MRPL10: variants seen among roughly 807,000 people sequenced by gnomAD.
MRPL10 encodes the protein large ribosomal subunit protein uL10m.
Under a neutral mutation model 19.8 loss-of-function variants are expected in MRPL10, and 14 were observed. The observed-to-expected ratio is 0.71, with a 90% CI of 0.47 to 1.11. The LOEUF (loss-of-function observed/expected upper bound fraction) is 1.11, where lower values mean the gene tolerates loss of function less well. MRPL10 is among the 50% of genes least tolerant of loss of function. The probability of loss-of-function intolerance (pLI) is 0.00; values close to 1 mark genes in which losing one functional copy is unlikely to be tolerated. For synonymous variants in MRPL10, 129 were observed against 139.2 expected, an observed-to-expected ratio of 0.93 and a Z score of 0.52; for missense variants, 318 against 339.6, an observed-to-expected ratio of 0.94 and a Z score of 0.50.
rs2033473142 is a variant in MRPL10, at chr17:47,823,469, T to A, written c.*736A>T. On this transcript the variant is annotated 3_prime_UTR_variant, in exon 5 of 5. Transcript: ENST00000351111. ...CACAAAATAAAGGAAGTAGAATATATTTCATTTTATTATAAAGCAGTGCTC... is the reference window on the plus strand; with the variant it reads ...CACAAAATAAAGGAAGTAGAATATAATTCATTTTATTATAAAGCAGTGCTC... 6.6e-6 allele frequency: 1 copy of A among 152,168 alleles called. No homozygotes were observed. Among genetic ancestry groups the A allele is most frequent in the African/African-American group, 2.4e-5 (1 of 41,414 alleles). The allele number at this position is 152,168 out of a possible 1,614,324, so 9.4% of individuals were successfully genotyped here.
intron 2 of MRPL10, 168 bp downstream of exon 2, chr17:47,828,333 A>T: frequency 2.0e-6 from 1 of 497,196 alleles, no homozygotes; most frequent in Non-Finnish European, 3.3e-6. Context: ...AAAAGCCAAT[A>T]CAGAATCAAG....
At chr17:47,826,574 G>A (rs2033535840) in intron 4 of MRPL10, 63 bp downstream of exon 4, 2 of 1,594,204 alleles carry the variant, frequency 1.3e-6, no homozygotes, top group Non-Finnish European at 1.7e-6. Flanking sequence ...ACCAAGACAA[G>A]CCTAGCAGAT....
At chr17:47,831,251 T>C in intron 1 of MRPL10, 2 of 1,343,584 alleles carry the variant, frequency 1.5e-6, no homozygotes, top group Non-Finnish European at 2.0e-6. Flanking sequence ...GGGCGAGGAG[T>C]GGTCCAGGCA....
intron 1 of MRPL10, chr17:47,831,174 A>T: frequency 1.5e-6 from 1 of 678,838 alleles, no homozygotes; most frequent in Non-Finnish European, 2.3e-6. Flanking sequence ...GGGGCTAAGG[A>T]GTCAAGGGAA....
At chr17:47,829,415 T>A (rs1209940574) in intron 1 of MRPL10, 1 of 152,258 alleles carries the variant, frequency 6.6e-6, no homozygotes, top group Non-Finnish European at 1.5e-5. Context: ...AATGCTCAAC[T>A]CTGCCAAAAG....
Position 47,831,237 on chromosome 17 carries a change from GT to G in MRPL10, c.52+222del, listed in dbSNP as rs916038250. On this transcript the variant is annotated intron_variant, in intron 1 of 4. Transcript: ENST00000351111. Reference sequence around the variant, plus strand: ...ATTAAGATGGAGACATAATGCAAAGGTCTGGGCGAGGAGTGGTCCAGGCAAA... The same window carrying G: ...ATTAAGATGGAGACATAATGCAAAGGCTGGGCGAGGAGTGGTCCAGGCAAA... The G allele has an allele frequency of 5.6e-6, 7 of 1,252,366 alleles. No individual in the cohort carries two copies. In the Admixed American group the frequency reaches 1.8e-4, roughly 33 times the overall value. 77.6% of individuals were successfully genotyped at this position (1,252,366 alleles called of 1,614,324 possible). A position where few individuals can be genotyped will look rare whatever the true frequency, so the allele number is the denominator to read the frequency against.
At chr17:47,825,014 C>CAAA (rs5820672) in intron 4 of MRPL10, among the ~76,000 whole-genome samples, 5 of 75,560 alleles carry the variant, frequency 6.6e-5, no homozygotes, top group African/African-American at 1.2e-4. Flanking sequence ...AACTTCGTCT[C>CAAA]AAAAAAAAAA....
At chr17:47,824,583 G>T in intron 4 of MRPL10, 125 bp from the exon 5 acceptor site, 1 of 1,160,654 alleles carries the variant, frequency 8.6e-7, no homozygotes. Context: ...CAGGACCTGG[G>T]TTCCACTGTG....
intron 1 of MRPL10, chr17:47,829,782 A>T (rs1004977530): frequency 6.6e-6 from 1 of 152,172 alleles, no homozygotes; most frequent in Admixed American, 6.5e-5. Context: ...CCAGCTACTC[A>T]GGTGGCTGAG....
chr17:47,827,155 T>C lies in MRPL10; in HGVS notation c.272A>G (p.Gln91Arg), dbSNP rs1351459936. ...LLRREIAAVF[Q>R]DNRMIAVCQN... The stretch of plus-strand genomic sequence containing the variant: ...GCAGACGGCTATCATTCGGTTGTCC[T>C]GGAAAACTGCTGCTATCTCCCGGCG... Residue 91 changes from glutamine (Q) to arginine (R), a missense_variant, in exon 3 of 5, where the codon CAG becomes CGG. Gln to Arg is a conservative substitution (Grantham distance 43). Coordinates refer to ENST00000351111, the MANE Select transcript of MRPL10 (RefSeq NM_145255.4). The C allele has an allele frequency of 1.9e-6, 3 of 1,613,900 alleles. No individual in the cohort carries two copies. Among genetic ancestry groups the C allele is most frequent in the African/African-American group, 2.7e-5 (2 of 74,926 alleles).
chr17:47,826,529 G>T, intron 4 of MRPL10, 108 bp downstream of exon 4: 1 of 1,396,140 alleles, frequency 7.2e-7, no homozygotes, highest in Non-Finnish European at 9.9e-7. Flanking sequence ...CTCCATCCGT[G>T]AAAGGATGCT....
chr17:47,828,762 A>G, intron 1 of MRPL10, 92 bp from the exon 2 acceptor site: 1 of 1,035,038 alleles, frequency 9.7e-7, no homozygotes, highest in Non-Finnish European at 1.3e-6. Flanking sequence ...CTAGCAGAGA[A>G]AAGCACAGCT....
chr17:47,826,663 C>T lies in MRPL10; in HGVS notation c.506G>A (p.Arg169Lys), dbSNP rs761331798. The change falls in exon 4 of 5, where the codon AGG becomes AAG. Residue 169 changes from arginine to lysine, a missense_variant. Coordinates refer to ENST00000351111, the MANE Select transcript of MRPL10 (RefSeq NM_145255.4). ...PKVKEMVRIL[R>K]TVPFLPLLGG... ...TAGCAGCGGCAGGAATGGCACAGTC[C>T]TTAAGATCCGTACCATCTCCTTGAC... The T allele has an allele frequency of 6.2e-7, 1 of 1,614,000 alleles. No homozygotes were observed. The highest frequency in any genetic ancestry group is 1.1e-5 in the South Asian group (1 of 91,080).
intron 1 of MRPL10, among the ~76,000 whole-genome samples, chr17:47,830,486 GC>G (rs1484213907): frequency 2.0e-5 from 3 of 151,648 alleles, no homozygotes; most frequent in Non-Finnish European, 4.4e-5. Flanking sequence ...CTGCAGGCAG[GC>G]TTTGGAATCA....
rs758918257 is a variant in MRPL10, at chr17:47,824,179, T to C, written c.*26A>G. ...CAGCCAATAACGCAGAGTGTATTTA[T>C]GCGCAGGGCTGGCTAAACAGGCTGG... is the stretch of plus-strand genomic sequence containing the variant. On this transcript the variant is annotated 3_prime_UTR_variant, in exon 5 of 5. Transcript: ENST00000351111. The C allele has an allele frequency of 6.2e-7, 1 of 1,613,936 alleles. No homozygotes were observed. Among genetic ancestry groups the C allele is most frequent in the African/African-American group, 1.3e-5 (1 of 75,056 alleles).
intron 4 of MRPL10, among the ~76,000 whole-genome samples, 172 bp from the exon 5 acceptor site, chr17:47,824,630 T>C (rs992131083): frequency 2.0e-5 from 3 of 152,162 alleles, no homozygotes; most frequent in African/African-American, 7.2e-5. Flanking sequence ...GATCGATCCC[T>C]ACTTCTTCAC....
intron 1 of MRPL10, among the ~76,000 whole-genome samples, chr17:47,829,982 A>G (rs2033600484): frequency 6.6e-6 from 1 of 152,042 alleles, no homozygotes; most frequent in Non-Finnish European, 1.5e-5. Context: ...TCTGGGGTGG[A>G]GCCTAGCAAA....
chr17:47,827,242 G>A (rs769204954), intron 2 of MRPL10, 38 bp from the exon 3 acceptor site: 1 of 1,563,330 alleles, frequency 6.4e-7, no homozygotes, highest in Non-Finnish European at 8.7e-7. Context: ...TACATCAGCT[G>A]CCACTTCTCC....
At chr17:47,826,599 C>A in intron 4 of MRPL10, 38 bp downstream of exon 4, 1 of 1,610,178 alleles carries the variant, frequency 6.2e-7, no homozygotes, top group Non-Finnish European at 8.5e-7. Context: ...GCAGGCCCCT[C>A]TTCACCCCAC....
Sources: allele counts gnomAD v4.1 joint callset (sites outside exome capture counted in the v4.1 genomes callset), GRCh38; gene constraint gnomAD v4.1.1; transcripts MANE v1.5; gene names NCBI Gene and HGNC (gene_info 2026-07-23, HGNC 2026-07-21).